HSD17B12: variants seen among roughly 807,000 people sequenced by gnomAD.
HSD17B12 encodes the protein very-long-chain 3-oxoacyl-CoA reductase.
Under a neutral mutation model 39.3 loss-of-function variants are expected in HSD17B12, and 32 were observed. The ratio of observed to expected loss-of-function variants is 0.81; its 90% CI spans 0.61 to 1.09. HSD17B12 has a LOEUF of 1.09. HSD17B12 is among the 50% of genes least tolerant of loss of function. The pLI is 0.00. For synonymous variants in HSD17B12, 150 were observed against 146.7 expected, an observed-to-expected ratio of 1.02 and a Z score of -0.16; for missense variants, 342 against 382.9, an observed-to-expected ratio of 0.89 and a Z score of 0.89.
intron 3 of HSD17B12, among the ~76,000 whole-genome samples, chr11:43,767,942 G>A (rs956505907): frequency 5.9e-5 from 9 of 152,126 alleles, no homozygotes; most frequent in African/African-American, 2.2e-4. Context: ...ATCATATTCA[G>A]GCATGTTTGG....
chr11:43,669,572 GGAAGGGCCATGC>G, the HSD17B12 span, among the ~76,000 whole-genome samples: 1 of 152,034 alleles, frequency 6.6e-6, no homozygotes, highest in Non-Finnish European at 1.5e-5. Context: ...CAAGGTGTTG[GGAAGGGCCATGC>G]CCTCTCTGCA....
At chr11:43,650,097 T>G in the HSD17B12 span, among the ~76,000 whole-genome samples, 1 of 152,204 alleles carries the variant, frequency 6.6e-6, no homozygotes, top group Non-Finnish European at 1.5e-5. Flanking sequence ...TAAAATGGTT[T>G]GTTTTAAGCT....
intron 3 of HSD17B12, among the ~76,000 whole-genome samples, chr11:43,786,017 TGA>T (rs1373426052): frequency 4.6e-5 from 7 of 152,230 alleles, no homozygotes; most frequent in Non-Finnish European, 7.3e-5. Context: ...TATTTTCATT[TGA>T]AAACTCAAAT....
intron 6 of HSD17B12, among the ~76,000 whole-genome samples, chr11:43,828,622 T>A (rs1352706824): frequency 6.6e-6 from 1 of 152,130 alleles, no homozygotes; most frequent in Admixed American, 6.5e-5. Context: ...GGAACAAAAA[T>A]TTTTCTGGTG....
chr11:43,752,577 G>A (rs1390398649), intron 2 of HSD17B12, among the ~76,000 whole-genome samples: 1 of 152,032 alleles, frequency 6.6e-6, no homozygotes, highest in Non-Finnish European at 1.5e-5. Flanking sequence ...AGCTGGACAT[G>A]GTGGTGGGTG....
At chr11:43,851,224 C>T (rs1458151807) in intron 9 of HSD17B12, among the ~76,000 whole-genome samples, 4 of 152,194 alleles carry the variant, frequency 2.6e-5, no homozygotes, top group Non-Finnish European at 5.9e-5. Context: ...ATCTGCAGCT[C>T]TCAAGGTCAG....
chr11:43,626,249 A>C, the HSD17B12 span, among the ~76,000 whole-genome samples: 177 of 151,928 alleles, frequency 1.2e-3, no homozygotes, highest in Middle Eastern at 3.4e-3. Flanking sequence ...TAAAATTTTT[A>C]AAAATATTTT....
chr11:43,832,761 G>A (rs536913210), intron 7 of HSD17B12, among the ~76,000 whole-genome samples: 5 of 152,170 alleles, frequency 3.3e-5, no homozygotes, highest in Non-Finnish European at 5.9e-5. Flanking sequence ...TGGGCGCAGT[G>A]GTTCACGCCT....
chr11:43,654,740 G>C, the HSD17B12 span, among the ~76,000 whole-genome samples: 1 of 152,102 alleles, frequency 6.6e-6, no homozygotes, highest in Non-Finnish European at 1.5e-5. Context: ...GCTCTGTTCT[G>C]TTCCATTGGT....
At chr11:43,824,118 G>A (rs1397571283) in intron 6 of HSD17B12, among the ~76,000 whole-genome samples, 1 of 152,158 alleles carries the variant, frequency 6.6e-6, no homozygotes, top group East Asian at 1.9e-4. Context: ...ATGGCAGCAA[G>A]TGACTAGAGC....
intron 3 of HSD17B12, among the ~76,000 whole-genome samples, chr11:43,773,470 C>T (rs916469024): frequency 6.6e-6 from 1 of 152,222 alleles, no homozygotes; most frequent in African/African-American, 2.4e-5. Context: ...AAACTCCTGA[C>T]CTCAGTGATC....
rs149178229 is a variant in HSD17B12, at chr11:43,819,343, G to T, written c.501+2952G>T. ...GTCTGCAGAAAACTAATGATAGAAA[G>T]CCAAGGTCCTGGCCTTAATCTGTGA... On this transcript the variant is annotated intron_variant, in intron 6 of 10. Transcript: ENST00000278353. Among the ~76,000 whole-genome samples the T allele has an allele frequency of 8.4e-4, 128 of 152,256 alleles. No homozygotes were observed. The East Asian group carries it at 0.021, about 26-fold the overall frequency.
the HSD17B12 span, among the ~76,000 whole-genome samples, chr11:43,570,829 A>G: frequency 6.6e-6 from 1 of 152,164 alleles, no homozygotes; most frequent in Admixed American, 6.5e-5. Context: ...TTCTACTTTT[A>G]TAGGTAAGCT....
chr11:43,593,964 C>T, the HSD17B12 span, among the ~76,000 whole-genome samples: 1 of 152,144 alleles, frequency 6.6e-6, no homozygotes. Flanking sequence ...TATTTCTAAT[C>T]AATATCAAGC....
chr11:43,838,486 A>G, intron 8 of HSD17B12, 88 bp downstream of exon 8: 1 of 1,021,782 alleles, frequency 9.8e-7, no homozygotes, highest in Non-Finnish European at 1.5e-6. Context: ...ACTTTCCTGA[A>G]GTTCTGTTCT....
the HSD17B12 span, among the ~76,000 whole-genome samples, chr11:43,642,315 T>C: frequency 2.0e-5 from 3 of 151,672 alleles, no homozygotes; most frequent in Admixed American, 6.6e-5. Flanking sequence ...AATTAAAATA[T>C]ACTAAACTTC....
intron 1 of HSD17B12, among the ~76,000 whole-genome samples, chr11:43,692,605 T>C (rs1949872753): frequency 6.6e-6 from 1 of 152,246 alleles, no homozygotes; most frequent in Non-Finnish European, 1.5e-5. Context: ...TAGATTTTCC[T>C]TTAGTAAGAA....
chr11:43,786,856 C>T (rs950824559), intron 3 of HSD17B12, among the ~76,000 whole-genome samples: 4 of 152,150 alleles, frequency 2.6e-5, no homozygotes, highest in Admixed American at 2.6e-4. Context: ...TGTATTATTA[C>T]TCCTGTCTTG....
At position 43,741,450 on chromosome 11, in the gene HSD17B12, G is replaced by A. The variant is rs527997163; in HGVS notation, c.161-9461G>A. On this transcript the variant is annotated intron_variant, in intron 1 of 10. Transcript: ENST00000278353. The stretch of plus-strand genomic sequence containing the variant: ...CATTTTTCTATTCATAGTAGCAAAG[G>A]ACTTTAAAAAAAAATGCAGTACATG... Among the ~76,000 whole-genome samples the A allele has an allele frequency of 1.2e-4, 18 of 151,638 alleles. No individual in the cohort carries two copies. In the South Asian group the frequency reaches 3.5e-3, roughly 30 times the overall value.
Sources: allele counts gnomAD v4.1 joint callset (sites outside exome capture counted in the v4.1 genomes callset), GRCh38; gene constraint gnomAD v4.1.1; transcripts MANE v1.5; gene names NCBI Gene and HGNC (gene_info 2026-07-23, HGNC 2026-07-21).